Variants in ZNF652 observed in about 807,000 individuals in gnomAD.
ZNF652 encodes the protein zinc finger protein 652.
In ZNF652, 16 loss-of-function variants were observed where a neutral mutation model predicts 45.2. That is an observed-to-expected ratio of 0.35 (90% CI 0.24 to 0.54). The LOEUF (loss-of-function observed/expected upper bound fraction) is 0.54, where lower values mean the gene tolerates loss of function less well. Among genes scored for constraint, ZNF652 ranks in the 20% least tolerant of loss-of-function variants. ZNF652 has a pLI of 0.91. For missense variants in ZNF652, 614 were observed against 765.6 expected (o/e 0.80, Z 2.34); for synonymous variants, 250 against 260.6 (o/e 0.96, Z 0.39).
Position 49,316,917 on chromosome 17 carries a change from C to T in ZNF652, c.809G>A (p.Arg270His), listed in dbSNP as rs1448777159. Residue 270 changes from arginine (R) to histidine (H), a missense_variant, in exon 2 of 6, where the codon CGC becomes CAC. By Grantham distance (29) the Arg-to-His change is conservative. Coordinates refer to ENST00000430262, the MANE Select transcript of ZNF652 (RefSeq NM_001145365.3). ...LEKHMNVTHR[R>H]MQICDKCGKK... ...GCCACATTTATCACAAATCTGCATG[C>T]GCCTATGAGTAACGTTCATGTGCTT... 5 of 1,614,118 alleles carry T rather than the reference C, an allele frequency of 3.1e-6. No individual in the cohort carries two copies. Among genetic ancestry groups the T allele is most frequent in the South Asian group, 1.1e-5 (1 of 91,074 alleles).
chr17:49,313,973 CAAAAAAAAAAAAAAAAAAAAAAAAAA>C (rs71144595), intron 2 of ZNF652, among the ~76,000 whole-genome samples: 11 of 22,874 alleles, frequency 4.8e-4, no homozygotes, highest in East Asian at 1.5e-3. Flanking sequence ...AACTCCATCT[CAAAAAAAAAAAAAAAAAAAAAAAAAA>C]AAAAAAAAAA....
intron 1 of ZNF652, among the ~76,000 whole-genome samples, chr17:49,329,231 T>A (rs1287739970): frequency 1.3e-5 from 2 of 152,236 alleles, no homozygotes; most frequent in Non-Finnish European, 2.9e-5. Flanking sequence ...ATATTTTTAG[T>A]TCATCTTCTT....
chr17:49,341,546 C>T (rs76837383), intron 1 of ZNF652, among the ~76,000 whole-genome samples: 6,248 of 149,746 alleles, frequency 0.042, 315 homozygotes, highest in African/African-American at 0.11. Flanking sequence ...TGCCAATAGT[C>T]CCAGCTACTC....
intron 1 of ZNF652, among the ~76,000 whole-genome samples, chr17:49,333,722 G>GAAAAAAAAAAAAAAA (rs749640282): frequency 3.5e-5 from 2 of 56,490 alleles, no homozygotes; most frequent in East Asian, 5.6e-4. Flanking sequence ...TCTGTCTCAA[G>GAAAAAAAAAAAAAAA]AAAAAAAAAA....
chr17:49,317,120 G>A lies in ZNF652; in HGVS notation c.606C>T (p.Thr202=), dbSNP rs749407369. The A allele has an allele frequency of 6.2e-7, 1 of 1,614,030 alleles. No homozygotes were observed. Among genetic ancestry groups the A allele is most frequent in the South Asian group, 1.1e-5 (1 of 91,070 alleles). Residue 202 remains threonine (T), a synonymous_variant, in exon 2 of 6, where the codon ACC becomes ACT. Coordinates refer to ENST00000430262, the MANE Select transcript of ZNF652 (RefSeq NM_001145365.3). ...TRRAASVAAA[T]TSPTPRTTRG... The stretch of plus-strand genomic sequence containing the variant: ...TTGTAGTTCTGGGAGTAGGGGAAGT[G>A]GTAGCTGCGGCAACAGAGGCAGCTC...
intron 1 of ZNF652, among the ~76,000 whole-genome samples, chr17:49,343,754 A>C (rs548545795): frequency 1.3e-5 from 2 of 151,908 alleles, no homozygotes; most frequent in Non-Finnish European, 2.9e-5. Context: ...CTGGGTACAC[A>C]TAACTAAGTT....
chr17:49,356,454 A>AAAAAAAAAC (rs2070338051), intron 1 of ZNF652, among the ~76,000 whole-genome samples: 1 of 111,730 alleles, frequency 9.0e-6, no homozygotes, highest in Non-Finnish European at 2.1e-5. Flanking sequence ...AAAAAAAATC[A>AAAAAAAAAC]AAACCAAAAA....
At position 49,292,104 on chromosome 17, in the gene ZNF652, C is replaced by G. The variant is rs937995966; in HGVS notation, c.*6309G>C. 6.6e-6 allele frequency among the ~76,000 whole-genome samples: 1 copy of G among 152,130 alleles called. No individual in the cohort carries two copies. The highest frequency in any genetic ancestry group is 2.4e-5 in the African/African-American group (1 of 41,420). On this transcript the variant is annotated 3_prime_UTR_variant, in exon 6 of 6. Transcript: ENST00000430262. ...GTACTATTAACTTTAAGGAAAAGGA[C>G]ATGAGATTTTAAGTCAGAAAGGAAA...
At chr17:49,352,775 T>C (rs968685858) in intron 1 of ZNF652, among the ~76,000 whole-genome samples, 1 of 152,150 alleles carries the variant, frequency 6.6e-6, no homozygotes, top group Non-Finnish European at 1.5e-5. Context: ...GGTATATCCA[T>C]ACAAAGGAGT....
At chr17:49,361,091 A>G (rs539954709) in intron 1 of ZNF652, 1 of 152,450 alleles carries the variant, frequency 6.6e-6, no homozygotes, top group African/African-American at 2.4e-5. Context: ...CCGCGGTGAC[A>G]GGGGCTGCTC....
intron 1 of ZNF652, among the ~76,000 whole-genome samples, chr17:49,359,993 T>C (rs1390462749): frequency 6.6e-6 from 1 of 152,190 alleles, no homozygotes; most frequent in African/African-American, 2.4e-5. Flanking sequence ...ACCTTGGACT[T>C]TGCTGTTGAA....
intron 1 of ZNF652, among the ~76,000 whole-genome samples, chr17:49,348,857 C>T (rs1443151173): frequency 6.6e-6 from 1 of 152,040 alleles, no homozygotes; most frequent in Non-Finnish European, 1.5e-5. Context: ...TGTGTTTTTT[C>T]TTATGGAACT....
intron 1 of ZNF652, among the ~76,000 whole-genome samples, chr17:49,324,653 G>A (rs1311962799): frequency 6.6e-6 from 1 of 150,938 alleles, no homozygotes; most frequent in East Asian, 1.9e-4. Flanking sequence ...GACTCCCAAA[G>A]TGCTGGGATT....
chr17:49,362,453 A>C (rs1030985727), upstream of ZNF652: 2 of 149,470 alleles, frequency 1.3e-5, no homozygotes, highest in African/African-American at 4.9e-5. Context: ...TCCGCCGCCC[A>C]GATAACCGCC....
At chr17:49,357,809 T>G (rs2070353216) in intron 1 of ZNF652, among the ~76,000 whole-genome samples, 2 of 152,186 alleles carry the variant, frequency 1.3e-5, no homozygotes, top group African/African-American at 4.8e-5. Flanking sequence ...CTGTAGAATT[T>G]GGAGCTAGAT....
intron 1 of ZNF652, among the ~76,000 whole-genome samples, chr17:49,356,150 G>A (rs1218165519): frequency 2.0e-5 from 3 of 151,712 alleles, no homozygotes; most frequent in Non-Finnish European, 4.4e-5. Context: ...TTACAGGGCC[G>A]GGCGCAGTGG....
At chr17:49,349,032 T>C (rs2070242139) in intron 1 of ZNF652, among the ~76,000 whole-genome samples, 1 of 152,216 alleles carries the variant, frequency 6.6e-6, no homozygotes, top group Admixed American at 6.5e-5. Flanking sequence ...AAGAGTTCCA[T>C]TTAAGCTGGG....
At chr17:49,312,604 G>C (rs1247978587) in intron 3 of ZNF652, 94 bp downstream of exon 3, 5 of 1,383,354 alleles carry the variant, frequency 3.6e-6, no homozygotes, top group Non-Finnish European at 4.9e-6. Context: ...AAACTGATTA[G>C]GGCAATTCCT....
chr17:49,303,555 TA>T (rs1441114327), intron 5 of ZNF652, among the ~76,000 whole-genome samples: 2 of 152,126 alleles, frequency 1.3e-5, no homozygotes, highest in African/African-American at 2.4e-5. Context: ...GTTTGTTTTC[TA>T]AATTAAATAT....
Sources: gnomAD v4.1 joint callset for allele counts (sites outside exome capture counted in the v4.1 genomes callset) on GRCh38, gnomAD v4.1.1 for gene constraint, MANE v1.5 for transcripts, NCBI Gene and HGNC (gene_info 2026-07-23, HGNC 2026-07-21) for gene names.